SLC9A3: variants seen among roughly 807,000 people sequenced by gnomAD.
The protein encoded by SLC9A3 is solute carrier family 9 member A3, also known as sodium/hydrogen exchanger 3.
In SLC9A3, 37 loss-of-function variants were observed where a neutral mutation model predicts 86.8. The observed-to-expected ratio is 0.43, with a 90% CI of 0.33 to 0.56. SLC9A3 has a LOEUF of 0.56. Among genes scored for constraint, SLC9A3 ranks in the 20% least tolerant of loss-of-function variants. The pLI is 0.06. For missense variants in SLC9A3, 1,011 were observed against 1,171.9 expected, an observed-to-expected ratio of 0.86 and a Z score of 2.00; for synonymous variants, 581 against 528.3, an observed-to-expected ratio of 1.10 and a Z score of -1.37.
chr5:476,657 G>C lies in SLC9A3; in HGVS notation c.1776C>G (p.Ser592Arg). ...GAGACTGCATGTCCAGGCAGACAGC[G>C]CTGACATTTTCTCTCCTGCGTGGGG... Reference protein sequence around the residue: ...SVSYLLRENVSAVCLDMQSLE... With the variant: ...SVSYLLRENVRAVCLDMQSLE... Residue 592 changes from serine to arginine, a missense_variant, in exon 12 of 17, where the codon AGC (serine) becomes AGG (arginine). Ser to Arg is a moderately radical substitution (Grantham distance 110). This residue lies in a region of SLC9A3 where 397 missense variants were observed against 346.3 expected (regional missense o/e 1.15). Transcript: ENST00000264938. 6.2e-7 allele frequency: 1 copy of C among 1,605,994 alleles called. No homozygotes were observed. Among genetic ancestry groups the C allele is most frequent in the South Asian group, 1.1e-5 (1 of 91,090 alleles).
At chr5:482,281 A>T in intron 7 of SLC9A3, 124 bp from the exon 8 acceptor site, 2 of 747,594 alleles carry the variant, frequency 2.7e-6, no homozygotes, top group African/African-American at 3.5e-5. Context: ...CTCTCCGGGC[A>T]CCCAGCAACC....
At chr5:476,472 CA>C in intron 12 of SLC9A3, 70 bp downstream of exon 12, 1 of 1,603,268 alleles carries the variant, frequency 6.2e-7, no homozygotes, top group African/African-American at 1.3e-5. Context: ...CCCGTGGTCC[CA>C]GGAGGGGACG....
chr5:486,808 C>T (rs1172145139), intron 3 of SLC9A3, among the ~76,000 whole-genome samples: 2 of 152,172 alleles, frequency 1.3e-5, no homozygotes, highest in South Asian at 2.1e-4. Context: ...GGGAAGGCAC[C>T]GTCTGCAAGT....
At chr5:475,453 G>A in intron 15 of SLC9A3, 108 bp downstream of exon 15, 1 of 705,280 alleles carries the variant, frequency 1.4e-6, no homozygotes, top group Non-Finnish European at 2.4e-6. Context: ...ACCCACAGGA[G>A]ACCCCACCCC....
intron 3 of SLC9A3, among the ~76,000 whole-genome samples, chr5:487,630 G>A (rs922828609): frequency 1.3e-5 from 2 of 152,238 alleles, no homozygotes; most frequent in East Asian, 3.8e-4. Flanking sequence ...GGCCCTGGCA[G>A]ATTACGTGGT....
intron 1 of SLC9A3, among the ~76,000 whole-genome samples, chr5:500,693 G>T (rs1740229376): frequency 8.1e-6 from 1 of 122,872 alleles, no homozygotes. Flanking sequence ...GGGCCGTGTG[G>T]ATGGGGCCAG....
At chr5:485,968 G>C (rs944603831) in intron 3 of SLC9A3, among the ~76,000 whole-genome samples, 2 of 152,230 alleles carry the variant, frequency 1.3e-5, no homozygotes, top group African/African-American at 4.8e-5. Context: ...TGCTTCTCCA[G>C]GGACGGGAGC....
At chr5:489,819 G>A (rs1004973394) in intron 2 of SLC9A3, among the ~76,000 whole-genome samples, 9 of 152,146 alleles carry the variant, frequency 5.9e-5, no homozygotes, top group East Asian at 5.8e-4. Flanking sequence ...CTCCCCGGCC[G>A]GCAGCCTTCC....
Position 479,971 on chromosome 5 carries a change from G to T in SLC9A3, c.1518-6C>A, listed in dbSNP as rs1560952202. 1 of 1,612,772 alleles carries T rather than the reference G, an allele frequency of 6.2e-7. No individual in the cohort carries two copies. The highest frequency in any genetic ancestry group is 1.7e-5 in the Admixed American group (1 of 59,982). ...TCCTGTCGAAGTGGGACCACCTGTAGGGACAGACCTTGGGTGTGAGCCTCA... is the reference window on the plus strand; with the variant it reads ...TCCTGTCGAAGTGGGACCACCTGTATGGACAGACCTTGGGTGTGAGCCTCA... On this transcript the variant is annotated splice_region_variant and splice_polypyrimidine_tract_variant and intron_variant, in intron 9 of 16. Coordinates refer to ENST00000264938, the MANE Select transcript of SLC9A3 (RefSeq NM_004174.4).
In SLC9A3 at chr5:485,238, G is replaced by A. The variant is rs931786847; in HGVS notation, c.676-7C>T. 4.3e-6 allele frequency: 7 copies of A among 1,612,456 alleles called. No homozygotes were observed. The highest frequency in any genetic ancestry group is 1.3e-5 in the African/African-American group (1 of 74,346). On this transcript the variant is annotated splice_region_variant and splice_polypyrimidine_tract_variant and intron_variant, in intron 3 of 16. Coordinates refer to ENST00000264938, the MANE Select transcript of SLC9A3 (RefSeq NM_004174.4). Reference sequence around the variant, plus strand: ...CAAACACATTGTACAGAACCTGCAGGGAAAACGGGCAGGGCGTTGGGTGGT... The same window carrying A: ...CAAACACATTGTACAGAACCTGCAGAGAAAACGGGCAGGGCGTTGGGTGGT...
At chr5:514,228 G>C (rs1438499978) in intron 1 of SLC9A3, among the ~76,000 whole-genome samples, 1 of 152,236 alleles carries the variant, frequency 6.6e-6, no homozygotes, top group Non-Finnish European at 1.5e-5. Flanking sequence ...GCGAGCCCTC[G>C]GGGAGGCGTG....
intron 1 of SLC9A3, among the ~76,000 whole-genome samples, chr5:501,744 A>G (rs1246892376): frequency 1.3e-5 from 2 of 152,188 alleles, no homozygotes; most frequent in Admixed American, 6.5e-5. Flanking sequence ...CCGGCGAGGA[A>G]TCACGGTAAA....
chr5:483,567 C>T (rs1029874795), intron 5 of SLC9A3, 85 bp from the exon 6 acceptor site: 33 of 939,016 alleles, frequency 3.5e-5, no homozygotes, highest in Middle Eastern at 2.7e-4. Flanking sequence ...CACGGCCTGG[C>T]GCCTGTAGGC....
chr5:482,783 G>A (rs367820368), intron 6 of SLC9A3, 33 bp from the exon 7 acceptor site: 68 of 1,541,582 alleles, frequency 4.4e-5, no homozygotes, highest in South Asian at 1.3e-4. Flanking sequence ...TCAGCTCCCC[G>A]GCCGCCCTCC....
intron 10 of SLC9A3, chr5:479,326 C>CT (rs1404547798): frequency 6.4e-6 from 1 of 156,990 alleles, no homozygotes; most frequent in Non-Finnish European, 1.4e-5. Flanking sequence ...CGCCTGGCCT[C>CT]TGGTCTCTGG....
At chr5:510,785 G>A (rs957376316) in intron 1 of SLC9A3, among the ~76,000 whole-genome samples, 3 of 152,280 alleles carry the variant, frequency 2.0e-5, no homozygotes, top group Admixed American at 2.0e-4. Context: ...GAGGAGCTGT[G>A]GGAAAGGCCA....
intron 1 of SLC9A3, among the ~76,000 whole-genome samples, chr5:506,692 T>G (rs892203244): frequency 2.6e-5 from 4 of 152,190 alleles, no homozygotes; most frequent in African/African-American, 9.7e-5. Flanking sequence ...AAAATCAGAC[T>G]CCTTCAGAGA....
chr5:479,617 C>T, intron 10 of SLC9A3: 1 of 549,042 alleles, frequency 1.8e-6, no homozygotes. Flanking sequence ...TCACCCCCAC[C>T]AGCACCACAG....
In SLC9A3 at chr5:484,062, C is replaced by T. The variant is rs576765429; in HGVS notation, c.932+458G>A. ...TGTCCATGCGGCTGGCACCTCCCTC[C>T]GAGTTGGGGTCCCCCTGGCTGGCTC... On this transcript the variant is annotated intron_variant, in intron 5 of 16. Transcript: ENST00000264938. Among the ~76,000 whole-genome samples the T allele has an allele frequency of 5.7e-4, 87 of 152,272 alleles. 1 individual carries two copies. Among genetic ancestry groups the T allele is most frequent in the Admixed American group, 4.4e-3 (68 of 15,302 alleles).
Sources: gnomAD v4.1 joint callset for allele counts (sites outside exome capture counted in the v4.1 genomes callset) on GRCh38, gnomAD v4.1.1 for gene constraint, gnomAD v4.1.1 regional missense constraint, MANE v1.5 for transcripts, NCBI Gene and HGNC (gene_info 2026-07-23, HGNC 2026-07-21) for gene names.